HROB: variants seen among roughly 807,000 people sequenced by gnomAD.
The protein encoded by HROB is homologous recombination OB-fold protein.
HROB carries 44 observed loss-of-function variants against 61.0 expected under a neutral mutation model. The ratio of observed to expected loss-of-function variants is 0.72; its 90% CI spans 0.57 to 0.93. The LOEUF is 0.93. Among genes scored for constraint, HROB ranks in the 40% least tolerant of loss-of-function variants. HROB has a pLI of 0.00. For missense variants in HROB, 716 were observed against 796.2 expected (o/e 0.90, Z 1.21); for synonymous variants, 301 against 310.4 (o/e 0.97, Z 0.32).
chr17:44,158,460 C>G (rs1433772070), intron 9 of HROB, among the ~76,000 whole-genome samples: 1 of 152,146 alleles, frequency 6.6e-6, no homozygotes. Context: ...TAACACCATT[C>G]AGGATCTAGT....
intron 5 of HROB, 151 bp downstream of exon 5, chr17:44,152,928 T>C: frequency 1.0e-6 from 1 of 983,364 alleles, no homozygotes; most frequent in South Asian, 1.7e-5. Flanking sequence ...TATCTTCCAC[T>C]TACCTACCTT....
intron 5 of HROB, 129 bp downstream of exon 5, chr17:44,152,906 C>T: frequency 8.3e-7 from 1 of 1,200,068 alleles, no homozygotes; most frequent in South Asian, 1.6e-5. Context: ...CAGCACGAAG[C>T]CCCTTTGGTT....
intron 8 of HROB, among the ~76,000 whole-genome samples, chr17:44,156,990 G>A (rs2053990236): frequency 2.0e-5 from 3 of 151,906 alleles, no homozygotes; most frequent in Admixed American, 1.3e-4. Context: ...TAGAGATGGG[G>A]TTTCACCATA....
intron 8 of HROB, 118 bp downstream of exon 8, chr17:44,155,529 G>A: frequency 7.0e-7 from 1 of 1,433,968 alleles, no homozygotes; most frequent in Non-Finnish European, 9.3e-7. Context: ...GGTGCTCTGA[G>A]GTGAAAAGGT....
In HROB at chr17:44,148,621, C is replaced by T. The variant is rs760544676; in HGVS notation, c.818C>T (p.Ser273Phe). The T allele has an allele frequency of 6.2e-7, 1 of 1,613,620 alleles. No individual in the cohort carries two copies. Among genetic ancestry groups the T allele is most frequent in the Non-Finnish European group, 8.5e-7 (1 of 1,180,026 alleles). ...CACTGGGAAGTCTGTCCGCAACGCT[C>T]CCCTGTTCAAGCACTTCAGCCTCTC... ...QLHWEVCPQR[S>F]PVQALQPLQA... Residue 273 changes from serine to phenylalanine, a missense_variant, in exon 3 of 10, where the codon TCC (serine) becomes TTC (phenylalanine). Physicochemically the swap from Ser to Phe is radical, Grantham distance 155. Transcript: ENST00000585683.
At chr17:44,154,068 G>A (rs1233077332) in intron 5 of HROB, among the ~76,000 whole-genome samples, 1 of 151,784 alleles carries the variant, frequency 6.6e-6, no homozygotes, top group East Asian at 1.9e-4. Flanking sequence ...AATAGGCCGG[G>A]TGCGGTGGCT....
chr17:44,160,262 T>C (rs1476304946), intron 9 of HROB, among the ~76,000 whole-genome samples: 1 of 152,170 alleles, frequency 6.6e-6, no homozygotes, highest in Non-Finnish European at 1.5e-5. Flanking sequence ...TATTAAAAAC[T>C]AATGATTGGT....
chr17:44,145,076 C>G, intron 1 of HROB, 127 bp from the exon 2 acceptor site: 1 of 1,020,822 alleles, frequency 9.8e-7, no homozygotes, highest in Non-Finnish European at 1.5e-6. Flanking sequence ...CCTTTCCCAG[C>G]CGTAGCAAAA....
chr17:44,154,306 C>A, intron 5 of HROB: 1 of 433,332 alleles, frequency 2.3e-6, no homozygotes, highest in Non-Finnish European at 4.3e-6. Flanking sequence ...TGTGCCATTG[C>A]ACCCAGCCTG....
rs774280726 is a variant in HROB, at chr17:44,154,601, G to A, written c.1495G>A (p.Val499Met). 7 of 1,614,048 alleles carry A rather than the reference G, an allele frequency of 4.3e-6. No homozygotes were observed. The highest frequency in any genetic ancestry group is 1.7e-5 in the Admixed American group (1 of 59,984). ...TAGGAACAAGGTCCCCAACATGGCGGTGATGATCAAGTCCCTGACTCGGAG... is the reference window on the plus strand; with the variant it reads ...TAGGAACAAGGTCCCCAACATGGCGATGATGATCAAGTCCCTGACTCGGAG... ...LPRNKVPNMA[V>M]MIKSLTRSTM... Residue 499 changes from valine to methionine, a missense_variant, in exon 6 of 10, where the codon GTG becomes ATG. Physicochemically the swap from Val to Met is conservative, Grantham distance 21. Coordinates refer to ENST00000585683, the MANE Select transcript of HROB (RefSeq NM_001171251.3).
Position 44,157,940 on chromosome 17 carries a change from A to T in HROB, c.1878A>T (p.Ala626=), listed in dbSNP as rs1183009560. 6.2e-7 allele frequency: 1 copy of T among 1,610,712 alleles called. No individual in the cohort carries two copies. The highest frequency in any genetic ancestry group is 1.3e-5 in the African/African-American group (1 of 74,866). The change falls in exon 9 of 10, where the codon GCA becomes GCT. Residue 626 remains alanine (A), a splice_region_variant and synonymous_variant. Coordinates refer to ENST00000585683, the MANE Select transcript of HROB (RefSeq NM_001171251.3). The stretch of plus-strand genomic sequence containing the variant: ...CCCCTGAGGAAGAACTCCCAGAAGC[A>T]GGTAAAGCAGTCAGCCCATCTGGGA... ...EASPEEELPE[A]DDLDGLLSEL...
chr17:44,154,327 T>A, intron 5 of HROB: 1 of 491,240 alleles, frequency 2.0e-6, no homozygotes, highest in Admixed American at 3.2e-5. Flanking sequence ...GGAGCGAAAC[T>A]CCCTCTCAAA....
intron 9 of HROB, among the ~76,000 whole-genome samples, chr17:44,158,235 C>T (rs1194313930): frequency 6.6e-6 from 1 of 152,128 alleles, no homozygotes; most frequent in Non-Finnish European, 1.5e-5. Flanking sequence ...GATGGACAGG[C>T]GCTATCTTTG....
At position 44,147,859 on chromosome 17, in the gene HROB, A is replaced by G; in HGVS notation, c.56A>G (p.Asp19Gly). The G allele has an allele frequency of 6.2e-7, 1 of 1,608,748 alleles. No homozygotes were observed. Among genetic ancestry groups the G allele is most frequent in the Non-Finnish European group, 8.5e-7 (1 of 1,176,008 alleles). ...FAVEEEFEDE[D>G]FLSAVEDAEN... ...CCTACCATCTCTGCTTCCTTGTAGG[A>G]TTTCTTGTCTGCTGTGGAGGATGCA... Residue 19 changes from aspartate (D) to glycine (G), a missense_variant and splice_region_variant, in exon 3 of 10, where the codon GAT (aspartate) becomes GGT (glycine). By Grantham distance (94) the Asp-to-Gly change is moderately conservative. Coordinates refer to ENST00000585683, the MANE Select transcript of HROB (RefSeq NM_001171251.3).
intron 9 of HROB, among the ~76,000 whole-genome samples, chr17:44,161,377 G>A (rs1471442407): frequency 2.6e-5 from 4 of 152,054 alleles, no homozygotes; most frequent in African/African-American, 7.2e-5. Flanking sequence ...CCAAGTTCTC[G>A]GACATAAGTA....
rs967941886 is a variant in HROB, at chr17:44,142,634, C to G, written c.3+489C>G. 3.3e-5 allele frequency among the ~76,000 whole-genome samples: 5 copies of G among 151,974 alleles called. 1 individual carries two copies. Among genetic ancestry groups the G allele is most frequent in the Admixed American group, 3.3e-4 (5 of 15,240 alleles). On this transcript the variant is annotated intron_variant, in intron 1 of 9. Transcript: ENST00000585683. ...GCTGTAGCTCCTGCGGCTCTGGCATCTGGGGTTAGGCACCACCTCTGATCT... is the reference window on the plus strand; with the variant it reads ...GCTGTAGCTCCTGCGGCTCTGGCATGTGGGGTTAGGCACCACCTCTGATCT...
In HROB at chr17:44,154,497, A is replaced by G. The variant is rs2053911339; in HGVS notation, c.1450-59A>G. 8 of 1,555,306 alleles carry G rather than the reference A, an allele frequency of 5.1e-6. No homozygotes were observed. The Admixed American group carries it at 1.3e-4, about 26-fold the overall frequency. ...CCCGGTTGCCCTGGCACACTTGGAG[A>G]CCTGGGAAGTCACAAGTGGGCCGTG... On this transcript the variant is annotated intron_variant, in intron 5 of 9. Coordinates refer to ENST00000585683, the MANE Select transcript of HROB (RefSeq NM_001171251.3).
At chr17:44,146,038 C>T (rs1334229359) in intron 2 of HROB, among the ~76,000 whole-genome samples, 3 of 152,092 alleles carry the variant, frequency 2.0e-5, no homozygotes, top group Non-Finnish European at 4.4e-5. Flanking sequence ...CCCCGGCAGC[C>T]CCCACTGTGT....
chr17:44,154,761 A>C (rs1048703463), intron 6 of HROB, 92 bp from the exon 7 acceptor site: 2 of 1,589,980 alleles, frequency 1.3e-6, no homozygotes, highest in African/African-American at 2.7e-5. Flanking sequence ...AGGAAAACTG[A>C]GGCAGTGAGC....
Sources: gnomAD v4.1 joint callset for allele counts (sites outside exome capture counted in the v4.1 genomes callset) on GRCh38, gnomAD v4.1.1 for gene constraint, MANE v1.5 for transcripts, NCBI Gene and HGNC (gene_info 2026-07-23, HGNC 2026-07-21) for gene names.